Variants in CAMTA1 observed in about 807,000 individuals in gnomAD.
The protein encoded by CAMTA1 is calmodulin-binding transcription activator 1.
CAMTA1 carries 27 observed loss-of-function variants against 170.9 expected under a neutral mutation model. The ratio of observed to expected loss-of-function variants is 0.16; its 90% confidence interval spans 0.12 to 0.22. The LOEUF is 0.22. CAMTA1 is among the 10% of genes least tolerant of loss of function. CAMTA1 has a pLI of 1.00. For missense variants in CAMTA1, 1,619 were observed against 2,217.2 expected (o/e 0.73, Z 5.42); for synonymous variants, 833 against 891.5 (o/e 0.93, Z 1.17).
intron 3 of CAMTA1, among the ~76,000 whole-genome samples, chr1:6,874,600 A>G (rs528699343): frequency 1.3e-5 from 2 of 152,350 alleles, no homozygotes; most frequent in Admixed American, 1.3e-4. Context: ...TTATATGTTT[A>G]GAGAGAGGAA....
chr1:7,089,117 T>G (rs905828622), intron 3 of CAMTA1, among the ~76,000 whole-genome samples: 3 of 152,196 alleles, frequency 2.0e-5, no homozygotes, highest in African/African-American at 7.2e-5. Context: ...TCACACCACG[T>G]AGATCTTATA....
At chr1:7,594,552 A>G (rs771004265) in intron 6 of CAMTA1, among the ~76,000 whole-genome samples, 3 of 152,196 alleles carry the variant, frequency 2.0e-5, no homozygotes, top group Non-Finnish European at 4.4e-5. Context: ...TTTGGGCAAC[A>G]TGGTTGTTTG....
At chr1:7,513,398 G>C (rs1031276423) in intron 6 of CAMTA1, among the ~76,000 whole-genome samples, 2 of 152,180 alleles carry the variant, frequency 1.3e-5, no homozygotes, top group Admixed American at 1.3e-4. Context: ...ATGCAAAGCA[G>C]CGTAGACTGG....
intron 3 of CAMTA1, among the ~76,000 whole-genome samples, chr1:6,851,953 G>T (rs569709102): frequency 1.9e-4 from 29 of 150,922 alleles, no homozygotes; most frequent in African/African-American, 7.1e-4. Flanking sequence ...GGCAGATATT[G>T]CAGTGAGCCA....
At position 7,286,018 on chromosome 1, in the gene CAMTA1, C is replaced by CA. The variant is rs1276729765; in HGVS notation, c.438+36393dup. Reference sequence around the variant, plus strand: ...CATGCTTTCTCTAAATCAGCTGTTTCAGATGTACCCACCACCGGGCCAATG... The same window carrying CA: ...CATGCTTTCTCTAAATCAGCTGTTTCAAGATGTACCCACCACCGGGCCAATG... On this transcript the variant is annotated intron_variant, in intron 5 of 22. Transcript: ENST00000303635. The surrounding 1 kb of genome is among the most constrained non-coding windows in gnomAD (Gnocchi z 4.2). Among the ~76,000 whole-genome samples, 2 of 152,200 alleles carry CA rather than the reference C, an allele frequency of 1.3e-5. No individual in the cohort carries two copies. The highest frequency in any genetic ancestry group is 4.8e-5 in the African/African-American group (2 of 41,452).
intron 5 of CAMTA1, among the ~76,000 whole-genome samples, chr1:7,297,421 G>A (rs1421694517): frequency 1.3e-5 from 2 of 152,170 alleles, no homozygotes; most frequent in Non-Finnish European, 2.9e-5. Flanking sequence ...GCCTTTTGGG[G>A]AACAAATGCC....
intron 9 of CAMTA1, among the ~76,000 whole-genome samples, chr1:7,666,665 G>A (rs1049808028): frequency 1.3e-5 from 2 of 152,220 alleles, no homozygotes; most frequent in African/African-American, 4.8e-5. Flanking sequence ...TGCCTGGGAG[G>A]TGGCTGCCCA....
At chr1:6,922,975 G>A (rs1039323964) in intron 3 of CAMTA1, among the ~76,000 whole-genome samples, 1 of 152,172 alleles carries the variant, frequency 6.6e-6, no homozygotes, top group Non-Finnish European at 1.5e-5. Context: ...GCACTTGTAT[G>A]AAGTGATAAA....
intron 3 of CAMTA1, among the ~76,000 whole-genome samples, chr1:7,052,230 C>T (rs748162953): frequency 1.4e-4 from 21 of 151,400 alleles, no homozygotes; most frequent in Admixed American, 8.5e-4. Context: ...CCCTGATGGT[C>T]GCTGGCGGGT....
chr1:7,569,620 TTCA>T lies in CAMTA1; in HGVS notation c.511-70766_511-70764del, dbSNP rs879485501. Among the ~76,000 whole-genome samples the T allele has an allele frequency of 3.6e-4, 54 of 150,632 alleles. No homozygotes were observed. In the South Asian group the frequency reaches 4.0e-3, roughly 11 times the overall value. Reference sequence around the variant, plus strand: ...CAGTGTCATCACCACCATCACCATCTTCATCATCATCATCATGATCACTATCAC... The same window carrying T: ...CAGTGTCATCACCACCATCACCATCTTCATCATCATCATGATCACTATCAC... On this transcript the variant is annotated intron_variant, in intron 6 of 22. Transcript: ENST00000303635.
intron 5 of CAMTA1, among the ~76,000 whole-genome samples, chr1:7,380,324 C>T (rs188264212): frequency 6.6e-6 from 1 of 152,178 alleles, no homozygotes; most frequent in African/African-American, 2.4e-5. Flanking sequence ...CCTCTAATTC[C>T]AGCACTTTGG....
intron 4 of CAMTA1, among the ~76,000 whole-genome samples, chr1:7,154,312 G>C (rs1646744425): frequency 6.6e-6 from 1 of 152,124 alleles, no homozygotes; most frequent in African/African-American, 2.4e-5. Context: ...GCAGGAAAAG[G>C]TGCTATTAAG....
chr1:7,586,241 G>T (rs9988575), intron 6 of CAMTA1, among the ~76,000 whole-genome samples: 2 of 152,050 alleles, frequency 1.3e-5, no homozygotes, highest in Non-Finnish European at 2.9e-5. Flanking sequence ...GTGGGGATCC[G>T]CACTTGAGTT....
rs150734837 is a variant in CAMTA1, at chr1:7,138,426, A to C, written c.302+47055A>C. ...TCAGAAATTAAATATGATGACTAAA[A>C]AGAATCACAAGATTTAAATATGCAT... On this transcript the variant is annotated intron_variant, in intron 4 of 22. Transcript: ENST00000303635. Among the ~76,000 whole-genome samples the C allele has an allele frequency of 7.9e-5, 12 of 152,376 alleles. No homozygotes were observed. In the East Asian group the frequency reaches 1.7e-3, roughly 22 times the overall value.
chr1:7,416,655 A>G (rs1284281010), intron 5 of CAMTA1, among the ~76,000 whole-genome samples: 1 of 152,064 alleles, frequency 6.6e-6, no homozygotes, highest in Non-Finnish European at 1.5e-5. Flanking sequence ...CTAGTTATAC[A>G]TTCATCTAAT....
intron 3 of CAMTA1, among the ~76,000 whole-genome samples, chr1:6,939,712 A>C (rs1318560541): frequency 2.0e-5 from 3 of 152,146 alleles, no homozygotes; most frequent in African/African-American, 7.2e-5. Context: ...TGCTGCTCAG[A>C]TCTCACCTCA....
At chr1:7,636,249 GAC>G (rs528347015) in intron 6 of CAMTA1, among the ~76,000 whole-genome samples, 235 of 152,340 alleles carry the variant, frequency 1.5e-3, no homozygotes, top group African/African-American at 5.5e-3. Flanking sequence ...GGGATCCACT[GAC>G]CACTGGATCT....
rs773680857 is a variant in CAMTA1 at position 7,588,677 on chromosome 1, G to A, written c.511-51723G>A. Among the ~76,000 whole-genome samples the A allele has an allele frequency of 9.9e-5, 15 of 152,210 alleles. No homozygotes were observed. The highest frequency in any genetic ancestry group is 2.2e-4 in the Non-Finnish European group (15 of 68,042). ...AGGGCAACCCCAGGGCCACGACTGG[G>A]CTCCTGGCAGCACGGCCAGATGGAC... On this transcript the variant is annotated intron_variant, in intron 6 of 22. Coordinates refer to ENST00000303635, the MANE Select transcript of CAMTA1 (RefSeq NM_015215.4). The surrounding 1 kb of genome is among the most constrained non-coding windows in gnomAD (Gnocchi z 5.8).
intron 5 of CAMTA1, among the ~76,000 whole-genome samples, chr1:7,378,459 C>A (rs2087014907): frequency 6.6e-6 from 1 of 152,196 alleles, no homozygotes; most frequent in Non-Finnish European, 1.5e-5. Flanking sequence ...ACGCTACCAC[C>A]AGGATGAACC....
Sources: allele counts gnomAD v4.1 joint callset (sites outside exome capture counted in the v4.1 genomes callset), GRCh38; gene constraint gnomAD v4.1.1; non-coding constraint Gnocchi (gnomAD v3.1); transcripts MANE v1.5; gene names NCBI Gene and HGNC (gene_info 2026-07-23, HGNC 2026-07-21).